The following PTPRN2 variants were observed in gnomAD, a reference collection of about 807,000 sequenced individuals.
PTPRN2 encodes receptor-type tyrosine-protein phosphatase N2.
PTPRN2 carries 74 observed loss-of-function variants against 118.8 expected under a neutral mutation model. The ratio of observed to expected loss-of-function variants is 0.62; its 90% CI spans 0.52 to 0.76. PTPRN2 has a LOEUF of 0.76. PTPRN2 is among the 30% of genes least tolerant of loss of function. The probability of loss-of-function intolerance (pLI) is 0.00; values close to 1 mark genes in which losing one functional copy is unlikely to be tolerated. For synonymous variants in PTPRN2, 641 were observed against 608.0 expected (o/e 1.05, Z -0.80); for missense variants, 1,481 against 1,394.4 (o/e 1.06, Z -0.99).
chr7:158,548,142 T>C (rs1586920042), intron 1 of PTPRN2, among the ~76,000 whole-genome samples: 1 of 152,242 alleles, frequency 6.6e-6, no homozygotes, highest in South Asian at 2.1e-4. Flanking sequence ...TTGTCCATGC[T>C]CTCCTCATGT....
intron 13 of PTPRN2, 115 bp from the exon 14 acceptor site, chr7:157,656,666 A>G: frequency 8.9e-7 from 1 of 1,124,352 alleles, no homozygotes; most frequent in Non-Finnish European, 1.3e-6. Context: ...TCCAAGGTTC[A>G]GGCAGGCGAG....
At chr7:158,132,825 C>T (rs1254683661) in intron 9 of PTPRN2, among the ~76,000 whole-genome samples, 3 of 146,420 alleles carry the variant, frequency 2.0e-5, no homozygotes, top group Non-Finnish European at 4.4e-5. Context: ...ACACATCTAC[C>T]CAACATACAC....
chr7:157,692,805 C>G (rs984886359), intron 12 of PTPRN2, among the ~76,000 whole-genome samples: 1 of 152,054 alleles, frequency 6.6e-6, no homozygotes, highest in East Asian at 1.9e-4. Flanking sequence ...GCCCTCTCGT[C>G]CCCCCTGCCC....
Position 157,752,411 on chromosome 7 carries a change from C to T in PTPRN2, c.1789-69474G>A, listed in dbSNP as rs1253941679. On this transcript the variant is annotated intron_variant, in intron 12 of 22. Transcript: ENST00000389418. The stretch of plus-strand genomic sequence containing the variant: ...TCTGCAGCTGTGCTCTGGGCGAGCA[C>T]GTGCCCTCGTCCAGTCTCCCTTCCT... Among the ~76,000 whole-genome samples, 11 of 152,216 alleles carry T rather than the reference C, an allele frequency of 7.2e-5. No individual in the cohort carries two copies. In the South Asian group the frequency reaches 1.0e-3, roughly 14 times the overall value.
chr7:157,810,218 G>A (rs904112367), intron 12 of PTPRN2, among the ~76,000 whole-genome samples: 6 of 152,240 alleles, frequency 3.9e-5, no homozygotes, highest in African/African-American at 1.2e-4. Flanking sequence ...CAAAGGCTGC[G>A]GACAGTGAGC....
rs1054311142 is a variant in PTPRN2, at chr7:157,944,296, C to T, written c.1724-45559G>A. 3.9e-5 allele frequency among the ~76,000 whole-genome samples: 6 copies of T among 152,164 alleles called. No homozygotes were observed. Among genetic ancestry groups the T allele is most frequent in the East Asian group, 1.9e-4 (1 of 5,186 alleles). Reference sequence around the variant, plus strand: ...GGTCATGTCCAGCTTAACCAACACACGGCCCAGCAGTCTCGGTCAGTGGAG... The same window carrying T: ...GGTCATGTCCAGCTTAACCAACACATGGCCCAGCAGTCTCGGTCAGTGGAG... On this transcript the variant is annotated intron_variant, in intron 11 of 22. Coordinates refer to ENST00000389418, the MANE Select transcript of PTPRN2 (RefSeq NM_002847.5). This position sits in a 1 kb window ranked among gnomAD's most constrained non-coding sequence, Gnocchi z 4.3.
intron 11 of PTPRN2, among the ~76,000 whole-genome samples, chr7:157,932,446 TTTGA>T (rs1262713616): frequency 5.9e-5 from 9 of 152,246 alleles, no homozygotes; most frequent in Non-Finnish European, 1.3e-4. Flanking sequence ...GGTGAGTCAC[TTTGA>T]TTGACAGTTT....
chr7:157,849,707 G>T (rs1393099666), intron 12 of PTPRN2, among the ~76,000 whole-genome samples: 1 of 152,190 alleles, frequency 6.6e-6, no homozygotes, highest in African/African-American at 2.4e-5. Context: ...ATCAGCCTAG[G>T]ATCCACTATC....
intron 1 of PTPRN2, among the ~76,000 whole-genome samples, chr7:158,560,733 T>C (rs1053009596): frequency 6.6e-6 from 1 of 152,256 alleles, no homozygotes; most frequent in Admixed American, 6.5e-5. Context: ...ACATCAACCA[T>C]GTGAATGTTA....
chr7:158,323,653 G>A (rs1213389466), intron 2 of PTPRN2, among the ~76,000 whole-genome samples: 1 of 152,150 alleles, frequency 6.6e-6, no homozygotes, highest in Non-Finnish European at 1.5e-5. Flanking sequence ...ATTTATCTTG[G>A]TAATTTGTTT....
rs189005696 is a variant in PTPRN2, at chr7:158,396,850, T to C, written c.164-79918A>G. The stretch of plus-strand genomic sequence containing the variant: ...AGCAGCTCAGCAGTGGTTCCCAAAA[T>C]AAGACTGTTGAGAGCCCAGAAATAG... On this transcript the variant is annotated intron_variant, in intron 2 of 22. Transcript: ENST00000389418. Among the ~76,000 whole-genome samples, 4 of 152,274 alleles carry C rather than the reference T, an allele frequency of 2.6e-5. No homozygotes were observed. The East Asian group carries it at 7.7e-4, about 29-fold the overall frequency.
chr7:157,675,060 CCCGCCTGCTGGAATCTCCTCCCCA>C (rs550646726), intron 13 of PTPRN2, among the ~76,000 whole-genome samples: 1,956 of 152,320 alleles, frequency 0.013, 16 homozygotes, highest in Non-Finnish European at 0.019. Flanking sequence ...CCTCCTGGTA[CCCGCCTGCTGGAATCTCCTCCCCA>C]CCGCCTACTG....
In PTPRN2 at chr7:157,779,034, C is replaced by T. The variant is rs192171471; in HGVS notation, c.1789-96097G>A. 2.6e-5 allele frequency among the ~76,000 whole-genome samples: 4 copies of T among 152,368 alleles called. No individual in the cohort carries two copies. Among genetic ancestry groups the T allele is most frequent in the Admixed American group, 2.0e-4 (3 of 15,312 alleles). On this transcript the variant is annotated intron_variant, in intron 12 of 22. Transcript: ENST00000389418. This position sits in a 1 kb window ranked among gnomAD's most constrained non-coding sequence, Gnocchi z 4.7. ...AGAGCTCCGCTCACAGCCAGGTGGCCGTGTTCTCTGAGGGGTTGTGCCGGG... is the reference window on the plus strand; with the variant it reads ...AGAGCTCCGCTCACAGCCAGGTGGCTGTGTTCTCTGAGGGGTTGTGCCGGG...
Position 157,666,313 on chromosome 7 carries a change from C to T in PTPRN2, c.2002-9762G>A, listed in dbSNP as rs189417808. Among the ~76,000 whole-genome samples the T allele has an allele frequency of 3.2e-3, 488 of 152,100 alleles. 2 individuals are homozygous for T. Among genetic ancestry groups the T allele is most frequent in the South Asian group, 9.5e-3 (46 of 4,818 alleles). On this transcript the variant is annotated intron_variant, in intron 13 of 22. Transcript: ENST00000389418. ...TCTGTAGCTTTTTAGCTGTCTGGCCCCTCTTAGGTGTTGAGAAAGTTATTA... is the reference window on the plus strand; with the variant it reads ...TCTGTAGCTTTTTAGCTGTCTGGCCTCTCTTAGGTGTTGAGAAAGTTATTA...
chr7:158,316,176 C>T (rs1245331246), intron 3 of PTPRN2, among the ~76,000 whole-genome samples: 1 of 152,160 alleles, frequency 6.6e-6, no homozygotes, highest in African/African-American at 2.4e-5. Flanking sequence ...CTGGACTAGA[C>T]GCTTACTCCA....
Position 158,333,878 on chromosome 7 carries a change from C to G in PTPRN2, c.164-16946G>C, listed in dbSNP as rs376998266. ...CCCGCAGACGTCACTCACACCCACACTCTCACCATAAGAGCTGACACCCGC... is the reference window on the plus strand; with the variant it reads ...CCCGCAGACGTCACTCACACCCACAGTCTCACCATAAGAGCTGACACCCGC... On this transcript the variant is annotated intron_variant, in intron 2 of 22. Coordinates refer to ENST00000389418, the MANE Select transcript of PTPRN2 (RefSeq NM_002847.5). Among the ~76,000 whole-genome samples, 126 of 145,110 alleles carry G rather than the reference C, an allele frequency of 8.7e-4. No homozygotes were observed. The East Asian group carries it at 0.018, about 21-fold the overall frequency.
chr7:157,797,475 T>G (rs953383394), intron 12 of PTPRN2, among the ~76,000 whole-genome samples: 1 of 138,060 alleles, frequency 7.2e-6, no homozygotes, highest in African/African-American at 3.5e-5. Flanking sequence ...TGGGCTGAGG[T>G]CGTGGGAGGC....
At chr7:157,882,768 C>A (rs1220967017) in intron 12 of PTPRN2, among the ~76,000 whole-genome samples, 1 of 149,696 alleles carries the variant, frequency 6.7e-6, no homozygotes, top group Non-Finnish European at 1.5e-5. Flanking sequence ...TGTCGGAGAA[C>A]AGAACACACC....
At chr7:158,071,424 G>T (rs529358996) in intron 11 of PTPRN2, among the ~76,000 whole-genome samples, 1 of 120,448 alleles carries the variant, frequency 8.3e-6, no homozygotes, top group African/African-American at 3.3e-5. Context: ...CCTGGTGGTG[G>T]AGGTGCTCGT....
Sources: gnomAD v4.1 joint callset for allele counts (sites outside exome capture counted in the v4.1 genomes callset) on GRCh38, gnomAD v4.1.1 for gene constraint, Gnocchi (gnomAD v3.1) non-coding constraint, MANE v1.5 for transcripts, NCBI Gene and HGNC (gene_info 2026-07-23, HGNC 2026-07-21) for gene names.